The following TLK2 variants were observed in gnomAD, a reference collection of about 807,000 sequenced individuals.
TLK2 encodes the protein tousled like kinase 2.
A neutral mutation model predicts 117.3 loss-of-function variants in TLK2; 6 were observed. The observed-to-expected ratio is 0.05, with a 90% CI of 0.03 to 0.10. The LOEUF is 0.10. Among genes scored for constraint, TLK2 ranks in the 10% least tolerant of loss-of-function variants. TLK2 has a pLI of 1.00. For synonymous variants in TLK2, 257 were observed against 316.7 expected, an observed-to-expected ratio of 0.81 and a Z score of 2.00; for missense variants, 299 against 901.2, an observed-to-expected ratio of 0.33 and a Z score of 8.56.
At chr17:62,567,935 T>C (rs893848059) in intron 11 of TLK2, among the ~76,000 whole-genome samples, 7 of 152,202 alleles carry the variant, frequency 4.6e-5, no homozygotes, top group South Asian at 2.1e-4. Flanking sequence ...TTGGCCAGTT[T>C]AGTAATTTTT....
chr17:62,474,981 G>A (rs2071010130), upstream of TLK2, among the ~76,000 whole-genome samples: 1 of 152,182 alleles, frequency 6.6e-6, no homozygotes, highest in Admixed American at 6.5e-5. Flanking sequence ...CTATGGCGGA[G>A]GTTGCAGTGA....
intron 6 of TLK2, among the ~76,000 whole-genome samples, chr17:62,529,789 G>A (rs2076617668): frequency 6.6e-6 from 1 of 151,308 alleles, no homozygotes; most frequent in South Asian, 2.1e-4. Context: ...CCTGTTCTGT[G>A]TTCCTTTTTC....
chr17:62,558,079 A>G (rs1277815601), intron 9 of TLK2, among the ~76,000 whole-genome samples: 1 of 152,096 alleles, frequency 6.6e-6, no homozygotes, highest in Non-Finnish European at 1.5e-5. Context: ...ATATTCTTTC[A>G]GACGTCATTC....
chr17:62,583,725 C>T (rs2081383136), intron 15 of TLK2, among the ~76,000 whole-genome samples: 1 of 151,774 alleles, frequency 6.6e-6, no homozygotes, highest in Admixed American at 6.6e-5. Context: ...TTACAGGCGC[C>T]CGACCCCACA....
At chr17:62,490,190 C>T (rs1300627513) in intron 2 of TLK2, among the ~76,000 whole-genome samples, 1 of 152,238 alleles carries the variant, frequency 6.6e-6, no homozygotes, top group Non-Finnish European at 1.5e-5. Context: ...ATTCTGTCTT[C>T]TCTGGCATGC....
intron 2 of TLK2, among the ~76,000 whole-genome samples, chr17:62,494,186 G>A (rs1314184554): frequency 1.3e-5 from 2 of 152,122 alleles, no homozygotes; most frequent in African/African-American, 2.4e-5. Flanking sequence ...GGGTTCAAGC[G>A]ATTCTTCTGT....
chr17:62,549,222 G>A (rs779643862), intron 7 of TLK2, among the ~76,000 whole-genome samples: 11 of 146,124 alleles, frequency 7.5e-5, no homozygotes, highest in Admixed American at 5.4e-4. Flanking sequence ...TGAAAACACC[G>A]TCTGTACTAA....
intron 2 of TLK2, among the ~76,000 whole-genome samples, chr17:62,488,622 G>C (rs1441080062): frequency 1.3e-5 from 2 of 152,058 alleles, no homozygotes; most frequent in East Asian, 1.9e-4. Flanking sequence ...TGAAATTTCT[G>C]AAGTGTTTTT....
At chr17:62,514,307 C>G (rs1272732590) in intron 2 of TLK2, among the ~76,000 whole-genome samples, 1 of 151,750 alleles carries the variant, frequency 6.6e-6, no homozygotes, top group Non-Finnish European at 1.5e-5. Flanking sequence ...CCATGCCTGG[C>G]TAATTTTTGT....
At chr17:62,495,445 C>G (rs2144796425) in intron 2 of TLK2, among the ~76,000 whole-genome samples, 2 of 151,334 alleles carry the variant, frequency 1.3e-5, no homozygotes, top group South Asian at 4.2e-4. Flanking sequence ...GATAGGGTCT[C>G]ACTCTGTCAC....
chr17:62,504,174 A>G (rs1197913784), intron 2 of TLK2, among the ~76,000 whole-genome samples: 3 of 152,344 alleles, frequency 2.0e-5, no homozygotes, highest in Admixed American at 6.5e-5. Flanking sequence ...AGGATGGTCC[A>G]TGCAGGACTC....
In TLK2 at chr17:62,522,238, G is replaced by A; in HGVS notation, c.188G>A (p.Arg63Gln). The A allele has an allele frequency of 6.2e-7, 1 of 1,612,244 alleles. No homozygotes were observed. Among genetic ancestry groups the A allele is most frequent in the Non-Finnish European group, 8.5e-7 (1 of 1,179,264 alleles). The change falls in exon 4 of 22, where the codon CGG becomes CAG. Residue 63 changes from arginine (R) to glutamine (Q), a missense_variant. Physicochemically the swap from Arg to Gln is conservative, Grantham distance 43 (BLOSUM62 1). This residue lies in a region of TLK2 where 105 missense variants were observed against 218.4 expected (regional missense o/e 0.48). Coordinates refer to ENST00000346027, the MANE Select transcript of TLK2 (RefSeq NM_006852.6). ...PEKKQNDQRN[R>Q]KRKAEPYETS... ...AAAAAGCAGAATGACCAGCGAAATC[G>A]GAAAAGAAAAGCTGAACCATATGAA...
rs374446636 is a variant in TLK2 at position 62,520,047 on chromosome 17, C to A, written c.82-726C>A. On this transcript the variant is annotated intron_variant, in intron 2 of 21. Coordinates refer to ENST00000346027, the MANE Select transcript of TLK2 (RefSeq NM_006852.6). ...TCTTCCCTTAGGCAAAGTATCTGAG[C>A]CAGGGTTCTAGTGGTAGACTAGGTG... 3.9e-5 allele frequency among the ~76,000 whole-genome samples: 6 copies of A among 152,250 alleles called. No homozygotes were observed. In the East Asian group the frequency reaches 5.8e-4, roughly 15 times the overall value.
At chr17:62,612,361 G>T in intron 21 of TLK2, 31 bp from the exon 22 acceptor site, 1 of 1,603,524 alleles carries the variant, frequency 6.2e-7, no homozygotes, top group Non-Finnish European at 8.5e-7. Flanking sequence ...AAGACTATCT[G>T]CCTCTGTCTT....
intron 13 of TLK2, among the ~76,000 whole-genome samples, chr17:62,577,503 T>G (rs2080896762): frequency 6.6e-6 from 1 of 152,206 alleles, no homozygotes; most frequent in Admixed American, 6.5e-5. Flanking sequence ...GAGAAAGTGT[T>G]ATGTGAACCT....
At chr17:62,587,035 G>C (rs1449571147) in intron 16 of TLK2, among the ~76,000 whole-genome samples, 1 of 151,688 alleles carries the variant, frequency 6.6e-6, no homozygotes, top group Non-Finnish European at 1.5e-5. Context: ...TGGTCTTCAG[G>C]GTCCCACTTC....
intron 14 of TLK2, among the ~76,000 whole-genome samples, chr17:62,579,156 T>C (rs1397975534): frequency 3.9e-5 from 6 of 152,220 alleles, no homozygotes; most frequent in African/African-American, 1.4e-4. Context: ...AGCCATAGCT[T>C]GTATATTTTT....
chr17:62,476,834 C>T (rs1399670660), upstream of TLK2, among the ~76,000 whole-genome samples: 1 of 151,886 alleles, frequency 6.6e-6, no homozygotes, highest in Non-Finnish European at 1.5e-5. Flanking sequence ...GAAATCCCAG[C>T]ACTTTGGGAG....
At chr17:62,471,804 A>T (rs1176225322) in intron 1 of TLK2, among the ~76,000 whole-genome samples, 1 of 149,632 alleles carries the variant, frequency 6.7e-6, no homozygotes, top group Non-Finnish European at 1.5e-5. Flanking sequence ...AGCCCAGTCA[A>T]GAGCAGGAGG....
Sources: gnomAD v4.1 joint callset for allele counts (sites outside exome capture counted in the v4.1 genomes callset) on GRCh38, gnomAD v4.1.1 for gene constraint, gnomAD v4.1.1 regional missense constraint, MANE v1.5 for transcripts, NCBI Gene and HGNC (gene_info 2026-07-23, HGNC 2026-07-21) for gene names.